The following WDPCP variants were observed in gnomAD, a reference collection of about 807,000 sequenced individuals.
The protein encoded by WDPCP is WD repeat containing planar cell polarity effector, also known as WD repeat-containing and planar cell polarity effector protein fritz homolog.
WDPCP carries 71 observed loss-of-function variants against 93.1 expected under a neutral mutation model. The observed-to-expected ratio is 0.76, with a 90% confidence interval of 0.63 to 0.93. The LOEUF is 0.93. Among genes scored for constraint, WDPCP ranks in the 40% least tolerant of loss-of-function variants. The pLI, the probability that WDPCP is intolerant of heterozygous loss-of-function variation, is 0.00. For synonymous variants in WDPCP, 315 were observed against 315.0 expected, an observed-to-expected ratio of 1.00 and a Z score of 0.00; for missense variants, 844 against 887.4, an observed-to-expected ratio of 0.95 and a Z score of 0.62.
chr2:63,239,721 C>CTAA (rs1281184422), intron 14 of WDPCP, among the ~76,000 whole-genome samples: 1 of 151,972 alleles, frequency 6.6e-6, no homozygotes, highest in African/African-American at 2.4e-5. Context: ...TTTAGAAATT[C>CTAA]TTGTTTCTAT....
chr2:63,535,569 C>T (rs1031965442), intron 1 of WDPCP, among the ~76,000 whole-genome samples: 6 of 152,258 alleles, frequency 3.9e-5, no homozygotes, highest in East Asian at 3.9e-4. Flanking sequence ...CATCTACAAC[C>T]ATCTGATCTC....
At chr2:63,315,839 C>T (rs971286853) in intron 12 of WDPCP, among the ~76,000 whole-genome samples, 2 of 151,712 alleles carry the variant, frequency 1.3e-5, no homozygotes, top group Non-Finnish European at 2.9e-5. Context: ...CTCACTGTAA[C>T]ATCAACCTCA....
intron 1 of WDPCP, among the ~76,000 whole-genome samples, chr2:63,566,946 A>C (rs895790651): frequency 6.6e-6 from 1 of 152,210 alleles, no homozygotes; most frequent in Non-Finnish European, 1.5e-5. Flanking sequence ...AATACAACTT[A>C]GCAACAGCCA....
chr2:63,332,115 T>C (rs1250034024), intron 12 of WDPCP, among the ~76,000 whole-genome samples: 1 of 150,820 alleles, frequency 6.6e-6, no homozygotes, highest in African/African-American at 2.4e-5. Context: ...TGTATATATA[T>C]GTATATATAT....
rs376084206 is a variant in WDPCP at position 63,622,672 on chromosome 2, G to A, written n.488+27987C>T. 1.2e-4 allele frequency: 201 copies of A among 1,613,790 alleles called. No individual in the cohort carries two copies. The East Asian group carries it at 2.7e-3, about 22-fold the overall frequency. On this transcript the variant is annotated intron_variant and non_coding_transcript_variant, in intron 3 of 4. Coordinates refer to the WDPCP transcript ENST00000467687. ...ATTCTGTTGGTCTTGGTCAGGAGTC[G>A]CCGGGACAGCAGTTTCTGGTCAGGG...
intron 9 of WDPCP, 85 bp downstream of exon 9, chr2:63,433,660 A>G: frequency 7.7e-7 from 1 of 1,300,316 alleles, no homozygotes; most frequent in South Asian, 1.5e-5. Context: ...GGTAAAAAAT[A>G]TTCACATTTA....
chr2:63,151,842 G>A (rs1432543013), intron 17 of WDPCP, among the ~76,000 whole-genome samples: 3 of 152,172 alleles, frequency 2.0e-5, no homozygotes, highest in Non-Finnish European at 4.4e-5. Context: ...CCCGTGGAGT[G>A]TGTGGCATTA....
intron 12 of WDPCP, among the ~76,000 whole-genome samples, chr2:63,362,471 G>C (rs996322813): frequency 5.9e-5 from 9 of 151,950 alleles, no homozygotes; most frequent in Admixed American, 2.6e-4. Flanking sequence ...ACTATGAATA[G>C]TACCCAGTAC....
At chr2:63,303,970 C>CAAA (rs34553510) in intron 13 of WDPCP, among the ~76,000 whole-genome samples, 3,424 of 131,242 alleles carry the variant, frequency 0.026, 86 homozygotes, top group Non-Finnish European at 0.031. Context: ...AGTAAAAAGT[C>CAAA]AAAAAAAAAA....
intron 1 of WDPCP, among the ~76,000 whole-genome samples, chr2:63,562,200 C>G (rs1394570875): frequency 1.3e-5 from 2 of 152,132 alleles, no homozygotes; most frequent in Admixed American, 1.3e-4. Context: ...TAAAAAGGAA[C>G]AAGATCATGT....
intron 1 of WDPCP, among the ~76,000 whole-genome samples, chr2:63,558,108 G>T (rs775695413): frequency 3.3e-5 from 5 of 151,360 alleles, no homozygotes; most frequent in Non-Finnish European, 5.9e-5. Context: ...AAGCAGACAA[G>T]AAATAACCAA....
chr2:63,802,396 C>A (rs1028684206), intron 2 of WDPCP, among the ~76,000 whole-genome samples: 1 of 139,640 alleles, frequency 7.2e-6, no homozygotes, highest in African/African-American at 2.6e-5. Context: ...CAAAATATTT[C>A]TTTTAACCCA....
intron 6 of WDPCP, among the ~76,000 whole-genome samples, chr2:63,452,004 G>A (rs1027883091): frequency 1.3e-5 from 2 of 152,046 alleles, no homozygotes; most frequent in Non-Finnish European, 2.9e-5. Flanking sequence ...GGGCAAAAAC[G>A]GGAAGCACTC....
intron 3 of WDPCP, among the ~76,000 whole-genome samples, chr2:63,602,439 A>C (rs1365242355): frequency 1.3e-5 from 2 of 149,240 alleles, no homozygotes; most frequent in African/African-American, 4.9e-5. Context: ...CCATGTACCC[A>C]TCACCCATTG....
intron 9 of WDPCP, among the ~76,000 whole-genome samples, chr2:63,429,976 TACACACACACACACACACACAC>T (rs199517613): frequency 1.5e-5 from 2 of 137,342 alleles, no homozygotes; most frequent in Non-Finnish European, 1.6e-5. Flanking sequence ...GAAAATGTTA[TACACACACACACACACACACAC>T]ACACACACAC....
At chr2:63,420,323 G>T (rs1247441738) in intron 9 of WDPCP, among the ~76,000 whole-genome samples, 2 of 146,542 alleles carry the variant, frequency 1.4e-5, no homozygotes, top group Non-Finnish European at 3.0e-5. Flanking sequence ...AGGAGTTTGG[G>T]ACCAGCCTGA....
intron 17 of WDPCP, among the ~76,000 whole-genome samples, chr2:63,131,335 T>C (rs948496928): frequency 6.6e-6 from 1 of 152,128 alleles, no homozygotes; most frequent in African/African-American, 2.4e-5. Context: ...GATTCCCTTT[T>C]CATTTCCTTT....
intron 1 of WDPCP, among the ~76,000 whole-genome samples, chr2:63,519,747 A>C (rs1196059813): frequency 6.6e-6 from 1 of 152,182 alleles, no homozygotes; most frequent in Non-Finnish European, 1.5e-5. Context: ...AAAAGTCAGC[A>C]ACTTCAAAGA....
At chr2:63,785,879 C>T (rs1479315999) in intron 2 of WDPCP, among the ~76,000 whole-genome samples, 1 of 152,166 alleles carries the variant, frequency 6.6e-6, no homozygotes, top group Non-Finnish European at 1.5e-5. Context: ...ACAACTGATA[C>T]ATTTTTACTA....
Sources: allele counts gnomAD v4.1 joint callset (sites outside exome capture counted in the v4.1 genomes callset), GRCh38; gene constraint gnomAD v4.1.1; transcripts MANE v1.5; gene names NCBI Gene and HGNC (gene_info 2026-07-23, HGNC 2026-07-21).